The following GSTO2 variants were observed in gnomAD, a reference collection of about 807,000 sequenced individuals.
GSTO2 encodes the protein glutathione S-transferase omega-2.
In GSTO2, 23 loss-of-function variants were observed where a neutral mutation model predicts 28.4. That is an observed-to-expected ratio of 0.81 (90% CI 0.58 to 1.15). The LOEUF (loss-of-function observed/expected upper bound fraction) is 1.15, where lower values mean the gene tolerates loss of function less well. Ranked by LOEUF, GSTO2 falls within the 50% of genes most tolerant of loss-of-function variation. The pLI, the probability that GSTO2 is intolerant of heterozygous loss-of-function variation, is 0.00. For synonymous variants in GSTO2, 109 were observed against 111.0 expected (o/e 0.98, Z 0.11); for missense variants, 298 against 297.8 (o/e 1.00, Z 0.00).
intron 5 of GSTO2, chr10:104,297,296 G>A: frequency 3.8e-6 from 1 of 264,952 alleles, no homozygotes; most frequent in Non-Finnish European, 7.4e-6. Context: ...AGGGACTGGG[G>A]TACTCTGTAG....
Position 104,292,400 on chromosome 10 carries a change from C to G in GSTO2, c.469-5178C>G, listed in dbSNP as rs1351006712. Among the ~76,000 whole-genome samples the G allele has an allele frequency of 2.0e-5, 3 of 151,548 alleles. No individual in the cohort carries two copies. The East Asian group carries it at 5.8e-4, about 29-fold the overall frequency. On this transcript the variant is annotated intron_variant, in intron 5 of 6. Transcript: ENST00000338595. ...CTCGAACTCCTGGCCTCAAGAGATCCTTCCACTTTGACCTTCCAAAGCACT... is the reference window on the plus strand; with the variant it reads ...CTCGAACTCCTGGCCTCAAGAGATCGTTCCACTTTGACCTTCCAAAGCACT...
intron 3 of GSTO2, among the ~76,000 whole-genome samples, chr10:104,275,643 AC>A: frequency 1.3e-5 from 2 of 152,238 alleles, no homozygotes; most frequent in East Asian, 3.9e-4. Context: ...CTGAGGCCTT[AC>A]CTGACTGCTC....
intron 5 of GSTO2, among the ~76,000 whole-genome samples, chr10:104,288,748 T>C (rs2012597448): frequency 6.6e-6 from 1 of 152,254 alleles, no homozygotes; most frequent in Admixed American, 6.5e-5. Context: ...ACTAATTTTC[T>C]TTGTTGATTT....
At chr10:104,296,486 C>T (rs1265159724) in intron 5 of GSTO2, 6 of 151,672 alleles carry the variant, frequency 4.0e-5, no homozygotes, top group Admixed American at 3.9e-4. Context: ...TAAAAATCAG[C>T]CAGGGGTAAT....
At chr10:104,287,802 A>C (rs2012525603) in intron 5 of GSTO2, among the ~76,000 whole-genome samples, 1 of 148,990 alleles carries the variant, frequency 6.7e-6, no homozygotes, top group Non-Finnish European at 1.5e-5. Context: ...TGTCTTTTAC[A>C]TTATTTTCTG....
intron 3 of GSTO2, 41 bp from the exon 4 acceptor site, chr10:104,277,853 T>G (rs1203356127): frequency 3.2e-5 from 45 of 1,386,400 alleles, no homozygotes; most frequent in Non-Finnish European, 4.6e-5. Flanking sequence ...TGCAGATGCC[T>G]CTCATTTTTG....
At chr10:104,281,181 C>G (rs1267139909) in intron 5 of GSTO2, among the ~76,000 whole-genome samples, 1 of 152,220 alleles carries the variant, frequency 6.6e-6, no homozygotes, top group Admixed American at 6.5e-5. Flanking sequence ...TTGTTCTAGA[C>G]ACTGCTTTAC....
intron 1 of GSTO2, among the ~76,000 whole-genome samples, chr10:104,271,006 G>A (rs1454123437): frequency 6.6e-6 from 1 of 152,114 alleles, no homozygotes; most frequent in Admixed American, 6.5e-5. Context: ...GGTTTAATAT[G>A]GTCTACTTAC....
At chr10:104,286,774 C>T (rs1161093794) in intron 5 of GSTO2, among the ~76,000 whole-genome samples, 1 of 151,992 alleles carries the variant, frequency 6.6e-6, no homozygotes, top group Non-Finnish European at 1.5e-5. Context: ...CTGATATACC[C>T]TTTCCCATCA....
chr10:104,286,356 A>G (rs1281706767), intron 5 of GSTO2, among the ~76,000 whole-genome samples: 1 of 152,212 alleles, frequency 6.6e-6, no homozygotes, highest in Non-Finnish European at 1.5e-5. Context: ...GAATCATACA[A>G]CATGTAGCAT....
At chr10:104,296,425 C>A (rs1305275373) in intron 5 of GSTO2, 1 of 151,786 alleles carries the variant, frequency 6.6e-6, no homozygotes, top group East Asian at 1.9e-4. Flanking sequence ...GAGTTTGAGA[C>A]CCCTGGGCAA....
At chr10:104,298,982 TATC>T (rs2135152155) in intron 6 of GSTO2, 143 bp from the exon 7 acceptor site, 1 of 686,554 alleles carries the variant, frequency 1.5e-6, no homozygotes, top group East Asian at 2.9e-5. Context: ...TCCAGTAAGT[TATC>T]ATTCTCACTT....
intron 5 of GSTO2, among the ~76,000 whole-genome samples, chr10:104,284,098 G>T (rs1589865672): frequency 6.8e-6 from 1 of 148,102 alleles, no homozygotes; most frequent in African/African-American, 2.5e-5. Flanking sequence ...AGTGGCTCAT[G>T]CCTGCAATCC....
intron 5 of GSTO2, among the ~76,000 whole-genome samples, chr10:104,285,666 C>T (rs1405784822): frequency 6.6e-6 from 1 of 152,038 alleles, no homozygotes; most frequent in Non-Finnish European, 1.5e-5. Context: ...CGAGGTCTCA[C>T]TATGTTGCTC....
At position 104,275,165 on chromosome 10, in the gene GSTO2, C is replaced by T. The variant is rs570745578; in HGVS notation, c.35-61C>T. On this transcript the variant is annotated intron_variant, in intron 2 of 6. Coordinates refer to ENST00000338595, the MANE Select transcript of GSTO2 (RefSeq NM_183239.2). The stretch of plus-strand genomic sequence containing the variant: ...TGGGATCTGGGCAAGTGAGCGAGCT[C>T]CTTCCTCACCGGGCTGACTAGCCTC... 1,124 of 1,549,534 alleles carry T rather than the reference C, an allele frequency of 7.3e-4. 2 individuals carry two copies. Among genetic ancestry groups the T allele is most frequent in the Admixed American group, 2.0e-3 (102 of 50,034 alleles).
In GSTO2 at chr10:104,277,934, T is replaced by G; in HGVS notation, c.184T>G (p.Trp62Gly). 6.2e-7 allele frequency: 1 copy of G among 1,613,982 alleles called. No individual in the cohort carries two copies. The highest frequency in any genetic ancestry group is 8.5e-7 in the Non-Finnish European group (1 of 1,179,848). ...VNINLRNKPE[W>G]YYTKHPFGHI... is the part of the protein sequence containing the mutation. ...CATTAACCTGAGAAACAAGCCTGAATGGTACTATACAAAGCACCCTTTTGG... is the reference window on the plus strand; with the variant it reads ...CATTAACCTGAGAAACAAGCCTGAAGGGTACTATACAAAGCACCCTTTTGG... The change falls in exon 4 of 7, where the codon TGG becomes GGG. Residue 62 changes from tryptophan to glycine, a missense_variant. Transcript: ENST00000338595.
intron 1 of GSTO2, among the ~76,000 whole-genome samples, chr10:104,274,097 A>G (rs970722823): frequency 3.3e-5 from 5 of 152,240 alleles, no homozygotes; most frequent in African/African-American, 9.6e-5. Flanking sequence ...AGTCGCCCCT[A>G]TATGGCTGGG....
At chr10:104,283,080 A>G (rs899044707) in intron 5 of GSTO2, among the ~76,000 whole-genome samples, 3 of 152,232 alleles carry the variant, frequency 2.0e-5, no homozygotes, top group Non-Finnish European at 1.5e-5. Flanking sequence ...TGAGCTACCA[A>G]TGTGCTATTT....
chr10:104,299,300 C>G lies in GSTO2; in HGVS notation c.*16C>G, dbSNP rs1161484098. 1 of 1,613,318 alleles carries G rather than the reference C, an allele frequency of 6.2e-7. No homozygotes were observed. The highest frequency in any genetic ancestry group is 1.1e-5 in the South Asian group (1 of 90,882). On this transcript the variant is annotated 3_prime_UTR_variant, in exon 7 of 7. Coordinates refer to ENST00000338595, the MANE Select transcript of GSTO2 (RefSeq NM_183239.2). ...GCTGTGCTGAGTCTCACTGTCCACC[C>G]CTTCGCTGTCCAGAATTCCCCAGCT...
Sources: allele counts gnomAD v4.1 joint callset (sites outside exome capture counted in the v4.1 genomes callset), GRCh38; gene constraint gnomAD v4.1.1; transcripts MANE v1.5; gene names NCBI Gene and HGNC (gene_info 2026-07-23, HGNC 2026-07-21).